Variants in DNAH17 observed in about 807,000 individuals in gnomAD.
DNAH17 encodes the protein dynein axonemal heavy chain 17.
DNAH17 carries 376 observed loss-of-function variants against 485.6 expected under a neutral mutation model. That is an observed-to-expected ratio of 0.77 (90% CI 0.71 to 0.84). DNAH17 has a LOEUF of 0.84. Ranked by LOEUF, DNAH17 falls within the 40% of genes least tolerant of loss-of-function variation. The pLI is 0.00. For missense variants in DNAH17, 6,370 were observed against 5,839.3 expected (o/e 1.09, Z -2.96); for synonymous variants, 3,031 against 2,405.9 (o/e 1.26, Z -7.60).
rs2087713209 is a variant in DNAH17, at chr17:78,454,704, A to T, written c.10172T>A (p.Val3391Asp). Reference protein sequence around the residue: ...FWIPYIHNLKVPIPITNGLDP... With the variant: ...FWIPYIHNLKDPIPITNGLDP... Reference sequence around the variant, plus strand: ...CAGGCCATTCGTGATCGGGATGGGGACCTGCCCAGGGAGGCACACTTTCTT... The same window carrying T: ...CAGGCCATTCGTGATCGGGATGGGGTCCTGCCCAGGGAGGCACACTTTCTT... The change falls in exon 64 of 81, where the codon GTC (valine) becomes GAC (aspartate). Residue 3391 changes from valine to aspartate, a missense_variant and splice_region_variant. Physicochemically the swap from Val to Asp is radical, Grantham distance 152. Transcript: ENST00000389840. 1 of 1,610,984 alleles carries T rather than the reference A, an allele frequency of 6.2e-7. No homozygotes were observed. The highest frequency in any genetic ancestry group is 8.5e-7 in the Non-Finnish European group (1 of 1,179,454).
intron 12 of DNAH17, among the ~76,000 whole-genome samples, chr17:78,561,186 A>AG (rs775928650): frequency 4.6e-5 from 7 of 152,012 alleles, no homozygotes; most frequent in Admixed American, 6.5e-5. Flanking sequence ...CCCGACCGCC[A>AG]GGCCTGGATG....
intron 14 of DNAH17, among the ~76,000 whole-genome samples, chr17:78,554,025 G>T (rs543801435): frequency 5.9e-5 from 9 of 152,078 alleles, no homozygotes; most frequent in African/African-American, 2.2e-4. Flanking sequence ...AAACTCCTGA[G>T]CTCCAGCCAT....
At chr17:78,563,068 A>T (rs1268124384) in intron 11 of DNAH17, among the ~76,000 whole-genome samples, 1 of 152,210 alleles carries the variant, frequency 6.6e-6, no homozygotes, top group Non-Finnish European at 1.5e-5. Flanking sequence ...AGGAGGAAAA[A>T]CCAAAACATG....
At chr17:78,559,372 T>G (rs2092101985) in intron 13 of DNAH17, among the ~76,000 whole-genome samples, 1 of 152,216 alleles carries the variant, frequency 6.6e-6, no homozygotes, top group Admixed American at 6.5e-5. Context: ...CCTGCCCTCT[T>G]GGCCAATGGC....
At chr17:78,571,998 CAG>C (rs2092365426) in intron 3 of DNAH17, among the ~76,000 whole-genome samples, 1 of 152,164 alleles carries the variant, frequency 6.6e-6, no homozygotes, top group Non-Finnish European at 1.5e-5. Flanking sequence ...TGGGCGTGGT[CAG>C]AGATACCAGG....
intron 17 of DNAH17, 162 bp downstream of exon 17, chr17:78,543,695 G>A: frequency 3.8e-6 from 4 of 1,055,408 alleles, no homozygotes; most frequent in South Asian, 1.3e-5. Context: ...AGAGTGCTGG[G>A]ATTACAGGTG....
At chr17:78,539,985 G>A (rs1246942758) in intron 17 of DNAH17, 105 bp from the exon 18 acceptor site, 42 of 1,175,474 alleles carry the variant, frequency 3.6e-5, no homozygotes, top group Admixed American at 2.8e-4. Context: ...TTCACACGCC[G>A]GACACACGGG....
intron 14 of DNAH17, among the ~76,000 whole-genome samples, chr17:78,555,919 G>C (rs1326405816): frequency 6.6e-6 from 1 of 152,178 alleles, no homozygotes; most frequent in Non-Finnish European, 1.5e-5. Flanking sequence ...CTTTGGACTG[G>C]GATTTACACC....
chr17:78,532,453 G>A (rs1258572400), intron 20 of DNAH17, 29 bp downstream of exon 20: 12 of 1,583,240 alleles, frequency 7.6e-6, no homozygotes, highest in Non-Finnish European at 1.0e-5. Context: ...CTGGAGACAA[G>A]GAGGCTGGTG....
rs761440690 is a variant in DNAH17 at position 78,429,101 on chromosome 17, G to A, written c.12405+20C>T. ...CGAGCCTTCATTACGTTGAGCTCCTGTTTAACTTGTCATCCTTACCTTGTA... is the reference window on the plus strand; with the variant it reads ...CGAGCCTTCATTACGTTGAGCTCCTATTTAACTTGTCATCCTTACCTTGTA... On this transcript the variant is annotated intron_variant, in intron 76 of 80. Coordinates refer to ENST00000389840, the MANE Select transcript of DNAH17 (RefSeq NM_173628.4). 2.5e-6 allele frequency: 4 copies of A among 1,608,746 alleles called. No individual in the cohort carries two copies. The highest frequency in any genetic ancestry group is 1.7e-5 in the Admixed American group (1 of 59,912).
chr17:78,563,974 AAG>A (rs961754369), intron 11 of DNAH17, among the ~76,000 whole-genome samples: 3 of 152,188 alleles, frequency 2.0e-5, no homozygotes, highest in African/African-American at 7.2e-5. Context: ...AATTTTTAAA[AAG>A]AGATCTTTCT....
chr17:78,448,508 CAG>C (rs2087409067), intron 69 of DNAH17, among the ~76,000 whole-genome samples: 1 of 152,088 alleles, frequency 6.6e-6, no homozygotes, highest in Non-Finnish European at 1.5e-5. Context: ...GCCTGGGTGA[CAG>C]AGTGAGATTG....
At chr17:78,432,507 G>A (rs1253974600) in intron 75 of DNAH17, among the ~76,000 whole-genome samples, 1 of 152,234 alleles carries the variant, frequency 6.6e-6, no homozygotes, top group African/African-American at 2.4e-5. Context: ...CAGGGCTGGT[G>A]TGCCTCCCAG....
chr17:78,554,297 C>T (rs372679922), intron 14 of DNAH17, among the ~76,000 whole-genome samples: 12 of 151,644 alleles, frequency 7.9e-5, no homozygotes, highest in Middle Eastern at 3.4e-3. Flanking sequence ...AAAATTAGCC[C>T]GGTGTGGTGG....
At chr17:78,448,238 A>C (rs2087397071) in intron 69 of DNAH17, among the ~76,000 whole-genome samples, 1 of 152,080 alleles carries the variant, frequency 6.6e-6, no homozygotes, top group South Asian at 2.1e-4. Context: ...AGCAGTGTAC[A>C]CTTGTATTCC....
At chr17:78,548,191 GATGTC>G (rs1312236393) in intron 16 of DNAH17, among the ~76,000 whole-genome samples, 1 of 136,740 alleles carries the variant, frequency 7.3e-6, no homozygotes, top group East Asian at 2.2e-4. Context: ...TTATTTCGTA[GATGTC>G]ATGGCCTTTT....
intron 35 of DNAH17, chr17:78,500,670 G>A (rs1350208283): frequency 2.3e-5 from 9 of 387,098 alleles, no homozygotes; most frequent in East Asian, 9.9e-5. Context: ...CACCATGCCC[G>A]GCTAATTTTT....
chr17:78,530,307 T>G, intron 21 of DNAH17, 36 bp downstream of exon 21: 1 of 1,571,646 alleles, frequency 6.4e-7, no homozygotes, highest in Admixed American at 1.8e-5. Context: ...CTCTGCACAT[T>G]CCTTGGGCTC....
intron 76 of DNAH17, 59 bp downstream of exon 76, chr17:78,429,062 C>A: frequency 6.4e-7 from 1 of 1,568,036 alleles, no homozygotes; most frequent in African/African-American, 1.3e-5. Flanking sequence ...CTGGCAGGCT[C>A]TCACCGGGAG....
Sources: gnomAD v4.1 joint callset for allele counts (sites outside exome capture counted in the v4.1 genomes callset) on GRCh38, gnomAD v4.1.1 for gene constraint, MANE v1.5 for transcripts, NCBI Gene and HGNC (gene_info 2026-07-23, HGNC 2026-07-21) for gene names.